GRIA1: variants seen among roughly 807,000 people sequenced by gnomAD.
GRIA1 encodes glutamate receptor 1.
A neutral mutation model predicts 99.2 loss-of-function variants in GRIA1; 31 were observed. The observed-to-expected ratio is 0.31, with a 90% CI of 0.23 to 0.42. GRIA1 has a LOEUF of 0.42. GRIA1 is among the 10% of genes least tolerant of loss of function. The pLI is 1.00. For synonymous variants in GRIA1, 438 were observed against 432.4 expected, an observed-to-expected ratio of 1.01 and a Z score of -0.16; for missense variants, 782 against 1,157.5, an observed-to-expected ratio of 0.68 and a Z score of 4.71.
In GRIA1 at chr5:153,491,283, A is replaced by G. The variant is rs1753891993; in HGVS notation, c.82+313A>G. On this transcript the variant is annotated intron_variant, in intron 1 of 15. Coordinates refer to ENST00000285900, the MANE Select transcript of GRIA1 (RefSeq NM_000827.4). ...AGGCTGGAAAGGGTGGTGGGTGTTTAAGGAGTTAACTCTATTGCTTGGTAG... is the reference window on the plus strand; with the variant it reads ...AGGCTGGAAAGGGTGGTGGGTGTTTGAGGAGTTAACTCTATTGCTTGGTAG... 3.1e-6 allele frequency: 4 copies of G among 1,300,308 alleles called. No individual in the cohort carries two copies. In the East Asian group the frequency reaches 1.3e-4, roughly 41 times the overall value. The allele number at this position is 1,300,308 out of a possible 1,614,324, so 80.5% of individuals were successfully genotyped here. A position where few individuals can be genotyped will look rare whatever the true frequency, so the allele number is the denominator to read the frequency against.
At chr5:153,607,401 C>A (rs1395866007) in intron 2 of GRIA1, among the ~76,000 whole-genome samples, 1 of 151,866 alleles carries the variant, frequency 6.6e-6, no homozygotes, top group Non-Finnish European at 1.5e-5. Flanking sequence ...TTCCTGACTT[C>A]TTAAAATGGA....
intron 2 of GRIA1, among the ~76,000 whole-genome samples, chr5:153,544,735 A>G (rs1018491160): frequency 2.0e-5 from 3 of 152,176 alleles, no homozygotes; most frequent in Non-Finnish European, 1.5e-5. Flanking sequence ...GCCGAGAGGA[A>G]AAGATAGCTA....
chr5:153,598,407 C>A (rs985989993), intron 2 of GRIA1, among the ~76,000 whole-genome samples: 1 of 151,958 alleles, frequency 6.6e-6, no homozygotes, highest in African/African-American at 2.4e-5. Context: ...AGACTAGCAC[C>A]AAATTAAAAG....
chr5:153,687,011 A>G lies in GRIA1; in HGVS notation c.1134+682A>G, dbSNP rs1230358007. Among the ~76,000 whole-genome samples, 5 of 151,470 alleles carry G rather than the reference A, an allele frequency of 3.3e-5. No homozygotes were observed. In the South Asian group the frequency reaches 1.0e-3, roughly 32 times the overall value. On this transcript the variant is annotated intron_variant, in intron 8 of 15. Coordinates refer to ENST00000285900, the MANE Select transcript of GRIA1 (RefSeq NM_000827.4). ...CTTTCTCATCATTGAGCCTTCATACATGTTTCCTCTGCCTGGGACTTCCTC... is the reference window on the plus strand; with the variant it reads ...CTTTCTCATCATTGAGCCTTCATACGTGTTTCCTCTGCCTGGGACTTCCTC...
chr5:153,532,382 CTTG>C (rs1434161253), intron 2 of GRIA1, among the ~76,000 whole-genome samples: 1 of 152,158 alleles, frequency 6.6e-6, no homozygotes. Flanking sequence ...ACACTCACTC[CTTG>C]TTGTGATTTA....
chr5:153,686,060 A>C (rs188975785), intron 7 of GRIA1, among the ~76,000 whole-genome samples, 165 bp from the exon 8 acceptor site: 3 of 152,326 alleles, frequency 2.0e-5, no homozygotes, highest in South Asian at 4.1e-4. Context: ...TCTGTAATGC[A>C]TCCCTTGCCT....
chr5:153,786,702 GC>G lies in GRIA1; in HGVS notation c.2271-7917del, dbSNP rs376900096. 5.8e-3 allele frequency among the ~76,000 whole-genome samples: 889 copies of G among 152,298 alleles called. 13 individuals carry two copies. The highest frequency in any genetic ancestry group is 0.02 in the African/African-American group (845 of 41,552). On this transcript the variant is annotated intron_variant, in intron 13 of 15. Transcript: ENST00000285900. ...CAATGCAGTGAACTGCCTGCTAGAT[GC>G]CAGGCAAGTTTAAAGGAAAGGTCAA...
intron 2 of GRIA1, among the ~76,000 whole-genome samples, chr5:153,641,508 C>T (rs977297999): frequency 1.3e-5 from 2 of 152,126 alleles, no homozygotes; most frequent in Non-Finnish European, 2.9e-5. Flanking sequence ...TCCTGCTTCC[C>T]CAAGAGGGAA....
chr5:153,658,453 A>G (rs1755112096), intron 5 of GRIA1, among the ~76,000 whole-genome samples: 1 of 152,176 alleles, frequency 6.6e-6, no homozygotes, highest in Non-Finnish European at 1.5e-5. Context: ...TCAAATGCTT[A>G]CAGCTGCCAG....
intron 3 of GRIA1, 84 bp from the exon 4 acceptor site, chr5:153,650,246 G>C (rs1405438806): frequency 1.7e-6 from 2 of 1,209,332 alleles, no homozygotes; most frequent in Admixed American, 4.1e-5. Flanking sequence ...GGGGTAGCCA[G>C]GGGAGGTAGG....
chr5:153,781,084 C>T (rs1764596907), intron 13 of GRIA1, among the ~76,000 whole-genome samples: 1 of 152,084 alleles, frequency 6.6e-6, no homozygotes, highest in Admixed American at 6.5e-5. Context: ...TGTGAATGGT[C>T]CCACAGGCTA....
chr5:153,694,148 A>G (rs181221407), intron 8 of GRIA1, among the ~76,000 whole-genome samples: 20 of 152,354 alleles, frequency 1.3e-4, no homozygotes, highest in Middle Eastern at 3.4e-3. Flanking sequence ...TAGAGATCCC[A>G]ATTTAACAAT....
At chr5:153,674,972 A>G (rs535222042) in intron 6 of GRIA1, among the ~76,000 whole-genome samples, 8 of 152,272 alleles carry the variant, frequency 5.3e-5, no homozygotes, top group African/African-American at 1.7e-4. Context: ...CTCTGCTGTC[A>G]TCCACATACG....
At chr5:153,596,855 GA>G (rs1262834576) in intron 2 of GRIA1, among the ~76,000 whole-genome samples, 5 of 152,192 alleles carry the variant, frequency 3.3e-5, no homozygotes, top group Non-Finnish European at 5.9e-5. Flanking sequence ...GTTGTTTAAT[GA>G]AAAATCATAT....
chr5:153,741,937 A>T (rs1761824962), intron 11 of GRIA1, among the ~76,000 whole-genome samples: 1 of 115,316 alleles, frequency 8.7e-6, no homozygotes, highest in African/African-American at 3.3e-5. Context: ...CTTTTTTTAA[A>T]AAAAAAAAAA....
chr5:153,602,570 T>C (rs1765078468), intron 2 of GRIA1, among the ~76,000 whole-genome samples: 1 of 152,040 alleles, frequency 6.6e-6, no homozygotes, highest in Non-Finnish European at 1.5e-5. Flanking sequence ...AAAAAGACAC[T>C]ATATAGCTTG....
intron 2 of GRIA1, among the ~76,000 whole-genome samples, chr5:153,528,781 T>C (rs557090281): frequency 8.6e-4 from 131 of 152,344 alleles, no homozygotes; most frequent in African/African-American, 3.0e-3. Flanking sequence ...CATTCTCCTA[T>C]ATGCCTTCTT....
In GRIA1 at chr5:153,554,460, G is replaced by A. The variant is rs186612600; in HGVS notation, c.220+60395G>A. ...GAGATTCCGAGTCAGTAAATCTGGGGTGGGGCTCAGGAAGTGGTTTTTTGT... is the reference window on the plus strand; with the variant it reads ...GAGATTCCGAGTCAGTAAATCTGGGATGGGGCTCAGGAAGTGGTTTTTTGT... On this transcript the variant is annotated intron_variant, in intron 2 of 15. Transcript: ENST00000285900. Among the ~76,000 whole-genome samples, 418 of 152,244 alleles carry A rather than the reference G, an allele frequency of 2.7e-3. 1 individual carries two copies. The highest frequency in any genetic ancestry group is 3.1e-3 in the Non-Finnish European group (214 of 68,010).
intron 2 of GRIA1, among the ~76,000 whole-genome samples, chr5:153,588,152 G>T (rs977217668): frequency 6.6e-6 from 1 of 152,212 alleles, no homozygotes; most frequent in African/African-American, 2.4e-5. Context: ...GAGAACACAG[G>T]TAGAGAATGA....
Sources: allele counts gnomAD v4.1 joint callset (sites outside exome capture counted in the v4.1 genomes callset), GRCh38; gene constraint gnomAD v4.1.1; transcripts MANE v1.5; gene names NCBI Gene and HGNC (gene_info 2026-07-23, HGNC 2026-07-21).